The following CEP85L variants were observed in gnomAD, a reference collection of about 807,000 sequenced individuals.
CEP85L encodes centrosomal protein of 85 kDa-like.
A neutral mutation model predicts 100.3 loss-of-function variants in CEP85L; 60 were observed. That is an observed-to-expected ratio of 0.60 (90% CI 0.49 to 0.74). CEP85L has a LOEUF of 0.74. Among genes scored for constraint, CEP85L ranks in the 30% least tolerant of loss-of-function variants. The pLI is 0.00. For missense variants in CEP85L, 973 were observed against 936.2 expected (o/e 1.04, Z -0.51); for synonymous variants, 319 against 322.7 (o/e 0.99, Z 0.12).
intron 5 of CEP85L, among the ~76,000 whole-genome samples, chr6:118,506,627 G>A (rs896489266): frequency 6.6e-6 from 1 of 152,132 alleles, no homozygotes; most frequent in African/African-American, 2.4e-5. Context: ...AAGCACTTAT[G>A]AACCAATCTA....
intron 10 of CEP85L, among the ~76,000 whole-genome samples, 161 bp from the exon 11 acceptor site, chr6:118,470,805 T>G (rs1230932492): frequency 1.3e-5 from 2 of 152,100 alleles, no homozygotes; most frequent in Non-Finnish European, 2.9e-5. Context: ...TCCCTATCAG[T>G]TAGAGAGTGG....
At chr6:118,625,368 C>T (rs1478922777) in intron 2 of CEP85L, among the ~76,000 whole-genome samples, 1 of 152,210 alleles carries the variant, frequency 6.6e-6, no homozygotes, top group Non-Finnish European at 1.5e-5. Context: ...TACCCCAGTC[C>T]CGCCACGCCC....
chr6:118,536,202 T>G (rs1287148747), intron 3 of CEP85L, among the ~76,000 whole-genome samples: 1 of 152,148 alleles, frequency 6.6e-6, no homozygotes, highest in Non-Finnish European at 1.5e-5. Flanking sequence ...CAACATAGAT[T>G]AAATTCAGAG....
chr6:118,671,849 A>T (rs1776315376), intron 1 of CEP85L, among the ~76,000 whole-genome samples: 1 of 152,106 alleles, frequency 6.6e-6, no homozygotes, highest in South Asian at 2.1e-4. Context: ...GAAGCACGAT[A>T]ATTGCTTGAA....
intron 1 of CEP85L, among the ~76,000 whole-genome samples, chr6:118,692,506 A>G (rs1217017681): frequency 6.6e-6 from 1 of 152,034 alleles, no homozygotes; most frequent in Non-Finnish European, 1.5e-5. Context: ...AACCTCCCCT[A>G]TCAAGAAGAG....
chr6:118,541,381 C>T lies in CEP85L; in HGVS notation c.1021-17461G>A, dbSNP rs1018162320. ...CAAAACCATGTATAACTCTCAGTAG[C>T]GTAATTAAGTTGCCAGTAAAAAGTT... On this transcript the variant is annotated intron_variant, in intron 3 of 12. Transcript: ENST00000368491. Among the ~76,000 whole-genome samples, 11 of 152,252 alleles carry T rather than the reference C, an allele frequency of 7.2e-5. No individual in the cohort carries two copies. The South Asian group carries it at 1.2e-3, about 17-fold the overall frequency.
Position 118,566,245 on chromosome 6 carries a change from C to A in CEP85L, c.304G>T (p.Val102Leu). The A allele has an allele frequency of 1.2e-6, 2 of 1,614,044 alleles. No individual in the cohort carries two copies. Among genetic ancestry groups the A allele is most frequent in the Non-Finnish European group, 1.7e-6 (2 of 1,179,966 alleles). The change falls in exon 3 of 13, where the codon GTG becomes TTG. Residue 102 changes from valine to leucine, a missense_variant. Physicochemically the swap from Val to Leu is conservative, Grantham distance 32. Transcript: ENST00000368491. ...GAAGCGCTGGAATTAGACGGCATCACATGGGCAGTAGGAAGAGTAATCAAT... is the reference window on the plus strand; with the variant it reads ...GAAGCGCTGGAATTAGACGGCATCAAATGGGCAGTAGGAAGAGTAATCAAT... Reference protein sequence around the residue: ...QSLITLPTAHVMPSNSSASIS... With the variant: ...QSLITLPTAHLMPSNSSASIS...
chr6:118,580,914 CCT>C (rs907327626), intron 2 of CEP85L, among the ~76,000 whole-genome samples: 1 of 152,108 alleles, frequency 6.6e-6, no homozygotes, highest in Non-Finnish European at 1.5e-5. Context: ...GGACAGTGAG[CCT>C]CTCTCTCTCA....
chr6:118,683,876 CT>C (rs966937709), intron 1 of CEP85L, among the ~76,000 whole-genome samples: 13 of 152,098 alleles, frequency 8.5e-5, no homozygotes, highest in African/African-American at 3.1e-4. Context: ...AAGACTGGGC[CT>C]TTTTTTCTGG....
intron 3 of CEP85L, among the ~76,000 whole-genome samples, chr6:118,555,746 A>G (rs1478560894): frequency 1.3e-5 from 2 of 152,148 alleles, no homozygotes; most frequent in East Asian, 3.9e-4. Context: ...GTATTACTTC[A>G]TCATCCCGTT....
At chr6:118,666,491 A>T (rs2115417039) in intron 1 of CEP85L, among the ~76,000 whole-genome samples, 1 of 152,302 alleles carries the variant, frequency 6.6e-6, no homozygotes, top group East Asian at 1.9e-4. Context: ...ATACCTATTG[A>T]ATGTTTACAA....
At chr6:118,693,063 C>T (rs1777099351) in intron 1 of CEP85L, among the ~76,000 whole-genome samples, 1 of 152,146 alleles carries the variant, frequency 6.6e-6, no homozygotes, top group African/African-American at 2.4e-5. Flanking sequence ...AAAGCAGAGA[C>T]CTCTAACCCA....
Position 118,465,088 on chromosome 6 carries a change from T to C in CEP85L, c.*317A>G. The C allele has an allele frequency of 4.1e-6, 1 of 242,306 alleles. No individual in the cohort carries two copies. Among genetic ancestry groups the C allele is most frequent in the Non-Finnish European group, 8.0e-6 (1 of 124,994 alleles). The allele number at this position is 242,306 out of a possible 1,614,324, so 15.0% of individuals were successfully genotyped here. A position where few individuals can be genotyped will look rare whatever the true frequency, so the allele number is the denominator to read the frequency against. On this transcript the variant is annotated 3_prime_UTR_variant, in exon 13 of 13. Coordinates refer to ENST00000368491, the MANE Select transcript of CEP85L (RefSeq NM_001042475.3). ...CACACAAACACACAAAGCTATAGGA[T>C]TAAAAGGAATCCTACTCCTTCATGT... is the stretch of plus-strand genomic sequence containing the variant.
intron 1 of CEP85L, among the ~76,000 whole-genome samples, chr6:118,697,969 C>T (rs767281262): frequency 2.6e-5 from 4 of 152,172 alleles, no homozygotes; most frequent in Non-Finnish European, 4.4e-5. Flanking sequence ...CTGCGAACTT[C>T]GTATTCACTC....
intron 2 of CEP85L, among the ~76,000 whole-genome samples, chr6:118,600,479 G>A (rs1326933057): frequency 6.6e-6 from 1 of 151,384 alleles, no homozygotes; most frequent in Non-Finnish European, 1.5e-5. Flanking sequence ...TTGCCACCAG[G>A]CCCAGCTAAT....
At chr6:118,522,144 T>C (rs1339958261) in intron 4 of CEP85L, among the ~76,000 whole-genome samples, 1 of 152,110 alleles carries the variant, frequency 6.6e-6, no homozygotes, top group Non-Finnish European at 1.5e-5. Context: ...GTGGATCACC[T>C]GAGGTCGGGA....
At chr6:118,702,275 C>G (rs1407983490) in intron 1 of CEP85L, among the ~76,000 whole-genome samples, 1 of 152,010 alleles carries the variant, frequency 6.6e-6, no homozygotes, top group Non-Finnish European at 1.5e-5. Context: ...CTTTGGGAGG[C>G]TGAGGTGGGA....
Position 118,462,451 on chromosome 6 carries a change from T to C in CEP85L, c.*2954A>G, listed in dbSNP as rs1772281923. ...CAGGCAATTTGGGTCTTTCATTGAG[T>C]CAACTGTTACTTTATGCTTGCTGTA... On this transcript the variant is annotated 3_prime_UTR_variant, in exon 13 of 13. Coordinates refer to ENST00000368491, the MANE Select transcript of CEP85L (RefSeq NM_001042475.3). 6.6e-6 allele frequency: 1 copy of C among 151,984 alleles called. No individual in the cohort carries two copies. 9.4% of individuals were successfully genotyped at this position (151,984 alleles called of 1,614,324 possible).
intron 2 of CEP85L, among the ~76,000 whole-genome samples, chr6:118,628,918 G>T (rs534148684): frequency 6.6e-6 from 1 of 152,298 alleles, no homozygotes; most frequent in South Asian, 2.1e-4. Flanking sequence ...CATCTGCTCT[G>T]CAAAAGACAA....
Sources: allele counts gnomAD v4.1 joint callset (sites outside exome capture counted in the v4.1 genomes callset), GRCh38; gene constraint gnomAD v4.1.1; transcripts MANE v1.5; gene names NCBI Gene and HGNC (gene_info 2026-07-23, HGNC 2026-07-21).